Variants in CYP4F12 observed in about 807,000 individuals in gnomAD.
CYP4F12 encodes cytochrome P450 4F12.
In CYP4F12, 60 loss-of-function variants were observed where a neutral mutation model predicts 56.5. The observed-to-expected ratio is 1.06, with a 90% CI of 0.86 to 1.32. The LOEUF is 1.32. Among genes scored for constraint, CYP4F12 ranks in the 40% most tolerant of loss-of-function variants. The pLI is 0.00. For missense variants in CYP4F12, 711 were observed against 683.5 expected, an observed-to-expected ratio of 1.04 and a Z score of -0.45; for synonymous variants, 263 against 264.9, an observed-to-expected ratio of 0.99 and a Z score of 0.07.
At chr19:15,683,387 A>G in intron 6 of CYP4F12, 106 bp from the exon 7 acceptor site, 2 of 1,215,564 alleles carry the variant, frequency 1.6e-6, no homozygotes, top group Non-Finnish European at 2.3e-6. Flanking sequence ...CTATTTCTAG[A>G]TACTCAGTTT....
At chr19:15,695,313 T>C (rs1388820748) in intron 9 of CYP4F12, among the ~76,000 whole-genome samples, 8 of 125,636 alleles carry the variant, frequency 6.4e-5, no homozygotes, top group Admixed American at 5.3e-4. Flanking sequence ...TGAGAACACA[T>C]GGACACAGGA....
At chr19:15,675,798 T>C (rs11672217) in intron 2 of CYP4F12, among the ~76,000 whole-genome samples, 141,090 of 152,166 alleles carry the variant, frequency 0.93, 65,471 homozygotes, top group East Asian at 1. Context: ...TGCTGTGGCT[T>C]CATCTAGGGA....
intron 6 of CYP4F12, among the ~76,000 whole-genome samples, chr19:15,683,101 A>C (rs1425540499): frequency 6.6e-6 from 1 of 152,070 alleles, no homozygotes; most frequent in Non-Finnish European, 1.5e-5. Context: ...ACAGAGAGAG[A>C]GAGAGAGAAA....
At chr19:15,676,996 C>T (rs200380576) in intron 2 of CYP4F12, among the ~76,000 whole-genome samples, 1 of 151,044 alleles carries the variant, frequency 6.6e-6, no homozygotes, top group African/African-American at 2.4e-5. Flanking sequence ...CCTCTCCTCA[C>T]TCACTCATTC....
At chr19:15,695,189 C>T (rs12104247) in intron 9 of CYP4F12, among the ~76,000 whole-genome samples, 41,450 of 151,520 alleles carry the variant, frequency 0.27, 5,639 homozygotes, top group African/African-American at 0.36. Context: ...ATGATGAGTT[C>T]ATGTCCCTTG....
intron 2 of CYP4F12, among the ~76,000 whole-genome samples, chr19:15,676,951 CCTCA>C (rs1384984760): frequency 8.1e-6 from 1 of 123,560 alleles, no homozygotes; most frequent in African/African-American, 3.0e-5. Context: ...TCATTCCTCT[CCTCA>C]CTCACTCATT....
chr19:15,678,442 C>G (rs1180052789), intron 3 of CYP4F12, 37 bp downstream of exon 3: 1 of 1,612,978 alleles, frequency 6.2e-7, no homozygotes, highest in Admixed American at 1.7e-5. Flanking sequence ...GGTGCCAGAC[C>G]AAGCTTCTGT....
Position 15,683,823 on chromosome 19 carries a change from G to A in CYP4F12, c.918+60G>A, listed in dbSNP as rs1039005157. ...AATAGAGCTTCATGTCAAATGTCAG[G>A]TGAAATAAATTGGTTTTGATCCAAA... On this transcript the variant is annotated intron_variant, in intron 7 of 12. Transcript: ENST00000550308. 3.4e-6 allele frequency: 5 copies of A among 1,487,476 alleles called. No individual in the cohort carries two copies. In the African/African-American group the frequency reaches 5.6e-5, roughly 17 times the overall value. 92.1% of individuals were successfully genotyped at this position (1,487,476 alleles called of 1,614,324 possible). A position where few individuals can be genotyped will look rare whatever the true frequency, so the allele number is the denominator to read the frequency against.
At position 15,681,114 on chromosome 19, in the gene CYP4F12, G is replaced by A. The variant is rs113851882; in HGVS notation, c.525+595G>A. ...CTGGGCTCCGAGAAACTGAGAGGAG[G>A]CTGCAATGTCTGTGGACATTGTCTC... On this transcript the variant is annotated intron_variant, in intron 5 of 12. Coordinates refer to ENST00000550308, the MANE Select transcript of CYP4F12 (RefSeq NM_023944.4). 1,164 of 169,442 alleles carry A rather than the reference G, an allele frequency of 6.9e-3. 9 individuals carry two copies. The highest frequency in any genetic ancestry group is 0.027 in the African/African-American group (1,107 of 41,758). 10.5% of individuals were successfully genotyped at this position (169,442 alleles called of 1,614,324 possible).
Position 15,682,427 on chromosome 19 carries a change from T to C in CYP4F12, c.564T>C (p.Arg188=), listed in dbSNP as rs1330666424. 6.2e-7 allele frequency: 1 copy of C among 1,613,668 alleles called. No homozygotes were observed. The highest frequency in any genetic ancestry group is 8.5e-7 in the Non-Finnish European group (1 of 1,179,754). The change falls in exon 6 of 13, where the codon CGT becomes CGC. Residue 188 remains arginine (R), a synonymous_variant. Transcript: ENST00000550308. ...WQHLASEGSS[R]LDMFEHISLM... The stretch of plus-strand genomic sequence containing the variant: ...ACCTGGCCTCAGAGGGCAGCAGTCG[T>C]CTGGACATGTTTGAGCACATCAGCC...
chr19:15,696,548 G>A lies in CYP4F12; in HGVS notation c.1397+36G>A, dbSNP rs973515786. 4 of 1,603,404 alleles carry A rather than the reference G, an allele frequency of 2.5e-6. No homozygotes were observed. In the Admixed American group the frequency reaches 7.1e-5, roughly 28 times the overall value. On this transcript the variant is annotated intron_variant, in intron 12 of 12. Transcript: ENST00000550308. ...CCTGTGTCTGAGGCAGGGATGGGAT[G>A]ATGGGTGCGGGAGTTAAAAAAAGGG...
intron 7 of CYP4F12, 44 bp from the exon 8 acceptor site, chr19:15,684,756 TTGTGTGTGTGTGTGTG>T (rs3063212): frequency 2.3e-4 from 244 of 1,043,292 alleles, no homozygotes; most frequent in Non-Finnish European, 2.8e-4. Flanking sequence ...ATAGTATAAT[TTGTGTGTGTGTGTGTG>T]TGTGTGTGTG....
rs112262757 is a variant in CYP4F12 at position 15,688,316 on chromosome 19, A to T, written c.1115+3119A>T. Among the ~76,000 whole-genome samples, 1,342 of 152,106 alleles carry T rather than the reference A, an allele frequency of 8.8e-3. 15 individuals carry two copies. Among genetic ancestry groups the T allele is most frequent in the African/African-American group, 0.031 (1,275 of 41,462 alleles). On this transcript the variant is annotated intron_variant, in intron 9 of 12. Transcript: ENST00000550308. ...TGGATCATTACCCCAGTGACCTAAG[A>T]ACCACCCTCTGACTCTCACAGGGCA...
rs187112695 is a variant in CYP4F12, at chr19:15,673,846, C to A, written c.198+119C>A. ...GCTGGGGTCTGCGACCCCAGAGAAG[C>A]AAGAGAGATGGCTCACTCATTCCTC... On this transcript the variant is annotated intron_variant, in intron 2 of 12. Coordinates refer to ENST00000550308, the MANE Select transcript of CYP4F12 (RefSeq NM_023944.4). 552 of 1,121,150 alleles carry A rather than the reference C, an allele frequency of 4.9e-4. 23 individuals are homozygous for A. The African/African-American group carries it at 6.8e-3, about 14-fold the overall frequency. The allele number at this position is 1,121,150 out of a possible 1,614,324, so 69.5% of individuals were successfully genotyped here. A position where few individuals can be genotyped will look rare whatever the true frequency, so the allele number is the denominator to read the frequency against.
intron 9 of CYP4F12, among the ~76,000 whole-genome samples, chr19:15,687,717 A>G (rs965822035): frequency 1.3e-5 from 2 of 152,210 alleles, no homozygotes; most frequent in East Asian, 3.9e-4. Flanking sequence ...AATCCAGACC[A>G]CAGGAGAAGG....
At chr19:15,692,037 A>T (rs1370028976) in intron 9 of CYP4F12, among the ~76,000 whole-genome samples, 1 of 152,002 alleles carries the variant, frequency 6.6e-6, no homozygotes, top group Non-Finnish European at 1.5e-5. Context: ...AGCTTACTGA[A>T]ACCTCCTGCC....
chr19:15,686,462 G>A (rs1035415484), intron 9 of CYP4F12, among the ~76,000 whole-genome samples: 7 of 152,018 alleles, frequency 4.6e-5, no homozygotes, highest in African/African-American at 7.2e-5. Context: ...CAGGGAAGGA[G>A]ATGGTTATAA....
intron 9 of CYP4F12, among the ~76,000 whole-genome samples, chr19:15,686,899 G>A (rs2007633678): frequency 6.6e-6 from 1 of 152,170 alleles, no homozygotes; most frequent in Non-Finnish European, 1.5e-5. Context: ...CAGCACAGCA[G>A]TCCTAAAAGG....
intron 9 of CYP4F12, among the ~76,000 whole-genome samples, chr19:15,692,754 G>T (rs1023975541): frequency 3.9e-5 from 6 of 152,116 alleles, no homozygotes; most frequent in African/African-American, 1.4e-4. Flanking sequence ...CAGGGGCTAT[G>T]AAAAAGTGAT....
Sources: gnomAD v4.1 joint callset for allele counts (sites outside exome capture counted in the v4.1 genomes callset) on GRCh38, gnomAD v4.1.1 for gene constraint, MANE v1.5 for transcripts, NCBI Gene and HGNC (gene_info 2026-07-23, HGNC 2026-07-21) for gene names.